Variants in CATSPERT observed in about 807,000 individuals in gnomAD.
The protein encoded by CATSPERT is cation channel sperm-associated targeting subunit tau.
chr2:201,503,551 C>T, the CATSPERT span, among the ~76,000 whole-genome samples: 1 of 152,264 alleles, frequency 6.6e-6, no homozygotes, highest in African/African-American at 2.4e-5. Context: ...GGCACCACCA[C>T]ACCTGGCTAA....
At chr2:201,488,047 CA>C in the CATSPERT span, 3 of 695,996 alleles carry the variant, frequency 4.3e-6, no homozygotes, top group Non-Finnish European at 7.0e-6. Flanking sequence ...CAGTTAAAGA[CA>C]AAGAATGAAA....
chr2:201,545,857 T>C, the CATSPERT span, among the ~76,000 whole-genome samples: 14 of 152,200 alleles, frequency 9.2e-5, no homozygotes, highest in African/African-American at 2.6e-4. Flanking sequence ...CCAAAGAAAG[T>C]GTATCCAAGA....
chr2:201,558,838 G>A, the CATSPERT span, among the ~76,000 whole-genome samples: 12 of 152,212 alleles, frequency 7.9e-5, no homozygotes, highest in South Asian at 2.1e-4. Context: ...GCACTGGAGC[G>A]CCATCTTCAT....
chr2:201,494,883 A>G, the CATSPERT span: 1 of 839,552 alleles, frequency 1.2e-6, no homozygotes. Context: ...CCCTCCACAA[A>G]GGGAGAAAAT....
the CATSPERT span, chr2:201,535,569 T>G: frequency 2.0e-6 from 2 of 1,008,420 alleles, no homozygotes; most frequent in South Asian, 4.7e-5. Context: ...TGAATTTACA[T>G]TTTGTTATTG....
the CATSPERT span, chr2:201,557,757 T>A: frequency 6.6e-6 from 1 of 152,240 alleles, no homozygotes; most frequent in Non-Finnish European, 1.5e-5. Flanking sequence ...TAACACAAAA[T>A]GACATCAAAA....
the CATSPERT span, chr2:201,535,780 A>T: frequency 2.2e-6 from 3 of 1,359,446 alleles, no homozygotes; most frequent in Admixed American, 3.4e-5. Flanking sequence ...TTAATTTTTT[A>T]AAATAGATTA....
At chr2:201,561,137 C>T in the CATSPERT span, among the ~76,000 whole-genome samples, 8 of 152,150 alleles carry the variant, frequency 5.3e-5, no homozygotes, top group African/African-American at 1.2e-4. Context: ...TAAGAAAATA[C>T]ATAGATATTG....
At chr2:201,516,728 G>T in the CATSPERT span, among the ~76,000 whole-genome samples, 1 of 143,842 alleles carries the variant, frequency 7.0e-6, no homozygotes, top group Admixed American at 6.9e-5. Context: ...CATATTAATT[G>T]ATTTCAGGTT....
At chr2:201,544,998 GATAATA>G in the CATSPERT span, among the ~76,000 whole-genome samples, 1 of 149,286 alleles carries the variant, frequency 6.7e-6, no homozygotes, top group Non-Finnish European at 1.5e-5. Context: ...CCCTGTCTCA[GATAATA>G]ATAATAATAA....
chr2:201,590,716 T>C, the CATSPERT span, among the ~76,000 whole-genome samples: 1 of 152,206 alleles, frequency 6.6e-6, no homozygotes, highest in African/African-American at 2.4e-5. Flanking sequence ...TGGTTTTGAT[T>C]TGCATTTCTC....
the CATSPERT span, chr2:201,537,362 A>G: frequency 4.0e-3 from 4,976 of 1,251,342 alleles, 145 homozygotes; most frequent in African/African-American, 0.065. Flanking sequence ...ATCTATAAAT[A>G]TTTCTCCATT....
the CATSPERT span, among the ~76,000 whole-genome samples, chr2:201,512,322 G>A: frequency 6.6e-6 from 1 of 152,108 alleles, no homozygotes; most frequent in Non-Finnish European, 1.5e-5. Context: ...TTCTTCAATA[G>A]TAACATCTTT....
chr2:201,561,601 G>GT, the CATSPERT span, among the ~76,000 whole-genome samples: 2 of 152,150 alleles, frequency 1.3e-5, no homozygotes, highest in Non-Finnish European at 2.9e-5. Context: ...GCTGGGCTTG[G>GT]TGGCTCACGC....
chr2:201,538,178 C>T, the CATSPERT span, among the ~76,000 whole-genome samples: 1 of 152,004 alleles, frequency 6.6e-6, no homozygotes, highest in Admixed American at 6.6e-5. Context: ...AAGCAATTCC[C>T]TATTTGCCCC....
At chr2:201,524,458 G>A in the CATSPERT span, among the ~76,000 whole-genome samples, 1 of 152,134 alleles carries the variant, frequency 6.6e-6, no homozygotes, top group African/African-American at 2.4e-5. Context: ...TGCCTTACAA[G>A]AAGGCAGCAA....
chr2:201,492,591 A>C, the CATSPERT span: 1 of 1,529,028 alleles, frequency 6.5e-7, no homozygotes, highest in South Asian at 1.2e-5. Context: ...CTGTCTCATT[A>C]AATAAACTGC....
chr2:201,535,725 A>C, the CATSPERT span: 1 of 1,333,278 alleles, frequency 7.5e-7, no homozygotes, highest in Non-Finnish European at 9.6e-7. Context: ...ACTTAGACAC[A>C]TTTCCACTTG....
chr2:201,611,667 G>T, the CATSPERT span, among the ~76,000 whole-genome samples: 1 of 148,162 alleles, frequency 6.7e-6, no homozygotes, highest in Non-Finnish European at 1.5e-5. Context: ...TGAAACTAAG[G>T]ATTGCACAGC....
Sources: allele counts gnomAD v4.1 joint callset (sites outside exome capture counted in the v4.1 genomes callset), GRCh38; gene constraint gnomAD v4.1.1; transcripts MANE v1.5; gene names NCBI Gene and HGNC (gene_info 2026-07-23, HGNC 2026-07-21).